Variants in USP47 observed in about 807,000 individuals in gnomAD.
USP47 encodes the protein ubiquitin carboxyl-terminal hydrolase 47.
A neutral mutation model predicts 165.1 loss-of-function variants in USP47; 35 were observed. The ratio of observed to expected loss-of-function variants is 0.21; its 90% CI spans 0.16 to 0.28. The LOEUF is 0.28. Among genes scored for constraint, USP47 ranks in the 10% least tolerant of loss-of-function variants. The pLI, the probability that USP47 is intolerant of heterozygous loss-of-function variation, is 1.00. For synonymous variants in USP47, 531 were observed against 544.5 expected, an observed-to-expected ratio of 0.98 and a Z score of 0.35; for missense variants, 1,277 against 1,607.4, an observed-to-expected ratio of 0.79 and a Z score of 3.52.
intron 1 of USP47, 61 bp downstream of exon 1, chr11:11,842,285 C>G: frequency 2.6e-6 from 4 of 1,523,742 alleles, no homozygotes; most frequent in Non-Finnish European, 3.5e-6. Flanking sequence ...AACACAGGCC[C>G]GGGCCGGGGT....
At chr11:11,887,859 A>G (rs1370215145) in intron 3 of USP47, among the ~76,000 whole-genome samples, 2 of 152,194 alleles carry the variant, frequency 1.3e-5, no homozygotes, top group East Asian at 3.8e-4. Context: ...AAAAGAACTG[A>G]AATTACAACA....
chr11:11,956,230 A>G lies in USP47; in HGVS notation c.*55A>G, dbSNP rs1856552249. 5 of 1,598,600 alleles carry G rather than the reference A, an allele frequency of 3.1e-6. No individual in the cohort carries two copies. Among genetic ancestry groups the G allele is most frequent in the Non-Finnish European group, 4.3e-6 (5 of 1,169,306 alleles). On this transcript the variant is annotated 3_prime_UTR_variant, in exon 28 of 28. Transcript: ENST00000527733. Reference sequence around the variant, plus strand: ...AGTTTTGGTTTTAATTAGATGGTTCACTACCACTGGGTAGTGCCATTTTGG... The same window carrying G: ...AGTTTTGGTTTTAATTAGATGGTTCGCTACCACTGGGTAGTGCCATTTTGG...
intron 1 of USP47, among the ~76,000 whole-genome samples, chr11:11,876,163 G>A (rs1016509370): frequency 3.9e-5 from 6 of 152,014 alleles, no homozygotes; most frequent in Non-Finnish European, 7.4e-5. Context: ...TTCAAATAGC[G>A]CATCTAAACT....
intron 1 of USP47, among the ~76,000 whole-genome samples, chr11:11,852,604 G>A (rs1355567472): frequency 5.0e-3 from 2 of 402 alleles, no homozygotes; most frequent in Non-Finnish European, 0.023. Context: ...TATAAACTAG[G>A]TGTCTTTGCT....
At position 11,956,980 on chromosome 11, in the gene USP47, C is replaced by T. The variant is rs1221742720; in HGVS notation, c.*805C>T. The T allele has an allele frequency of 6.6e-6, 1 of 152,190 alleles. No homozygotes were observed. The highest frequency in any genetic ancestry group is 1.9e-4 in the East Asian group (1 of 5,192). The allele number at this position is 152,190 out of a possible 1,614,324, so 9.4% of individuals were successfully genotyped here. On this transcript the variant is annotated 3_prime_UTR_variant, in exon 28 of 28. Coordinates refer to ENST00000527733, the MANE Select transcript of USP47 (RefSeq NM_001282659.2). ...AACTATCTGCCATGATTATTCTTTTCACGTATCATTCATTCTGTACATTTG... is the reference window on the plus strand; with the variant it reads ...AACTATCTGCCATGATTATTCTTTTTACGTATCATTCATTCTGTACATTTG...
intron 1 of USP47, among the ~76,000 whole-genome samples, chr11:11,869,181 T>A (rs1016703873): frequency 2.0e-5 from 3 of 152,196 alleles, no homozygotes; most frequent in Non-Finnish European, 2.9e-5. Context: ...GGCTAAGGAC[T>A]CTGCCTAGCC....
rs1847336756 is a variant in USP47 at position 11,958,942 on chromosome 11, A to G, written c.*2767A>G. On this transcript the variant is annotated 3_prime_UTR_variant, in exon 28 of 28. Transcript: ENST00000527733. ...CGATGAACTCATGTCCCAGTCAGAA[A>G]ATAATCCAATGAAATAAGCATTGGT... 2 of 152,200 alleles carry G rather than the reference A, an allele frequency of 1.3e-5. 1 individual carries two copies. The highest frequency in any genetic ancestry group is 4.1e-4 in the South Asian group (2 of 4,830). 9.4% of individuals were successfully genotyped at this position (152,200 alleles called of 1,614,324 possible).
chr11:11,961,058 A>G lies in USP47; in HGVS notation c.*4883A>G, dbSNP rs1159599820. 6.6e-6 allele frequency among the ~76,000 whole-genome samples: 1 copy of G among 152,200 alleles called. No homozygotes were observed. The highest frequency in any genetic ancestry group is 1.5e-5 in the Non-Finnish European group (1 of 68,036). On this transcript the variant is annotated 3_prime_UTR_variant, in exon 28 of 28. Coordinates refer to ENST00000527733, the MANE Select transcript of USP47 (RefSeq NM_001282659.2). ...CAGAAAAGCTAACACCAGCTTTATC[A>G]ATAATAATATCGGTGGTTTACTTAA...
chr11:11,936,251 T>C (rs1222487788), intron 16 of USP47, 52 bp from the exon 17 acceptor site: 3 of 881,544 alleles, frequency 3.4e-6, no homozygotes, highest in Non-Finnish European at 4.5e-6. Flanking sequence ...TGTATATATA[T>C]AAATATATAT....
At chr11:11,950,335 T>C in intron 23 of USP47, 29 bp from the exon 24 acceptor site, 5 of 1,429,496 alleles carry the variant, frequency 3.5e-6, no homozygotes, top group Non-Finnish European at 2.9e-6. Flanking sequence ...CAAATTATAG[T>C]CGTTTTAAAT....
Position 11,942,948 on chromosome 11 carries a change from C to G in USP47, c.2927C>G (p.Thr976Arg), listed in dbSNP as rs756832955. Residue 976 changes from threonine (T) to arginine (R), a missense_variant, in exon 20 of 28, where the codon ACG (threonine) becomes AGG (arginine). By Grantham distance (71) the Thr-to-Arg change is moderately conservative. This residue lies in a region of USP47 where 909 missense variants were observed against 1,068.1 expected (regional missense o/e 0.85). Transcript: ENST00000527733. ...DSHSITSSRR[T>R]KANEGKKETW... ...CACAGTATCACAAGTAGTAGAAGAA[C>G]GAAAGCAAATGAAGGGAAAAAAGAA... 2 of 1,612,874 alleles carry G rather than the reference C, an allele frequency of 1.2e-6. No individual in the cohort carries two copies. Among genetic ancestry groups the G allele is most frequent in the Admixed American group, 3.3e-5 (2 of 59,842 alleles).
At chr11:11,950,656 C>T (rs1220286671) in intron 24 of USP47, among the ~76,000 whole-genome samples, 174 bp downstream of exon 24, 2 of 152,088 alleles carry the variant, frequency 1.3e-5, no homozygotes, top group African/African-American at 4.8e-5. Context: ...TTCCTACCTA[C>T]GTCTTATCCT....
At chr11:11,882,774 T>C (rs1850913512) in intron 2 of USP47, among the ~76,000 whole-genome samples, 1 of 152,192 alleles carries the variant, frequency 6.6e-6, no homozygotes. Context: ...TCTGTGTCTT[T>C]CCATTTCCAA....
intron 1 of USP47, among the ~76,000 whole-genome samples, chr11:11,844,329 T>C (rs751351449): frequency 1.6e-4 from 24 of 152,220 alleles, no homozygotes; most frequent in Non-Finnish European, 1.3e-4. Flanking sequence ...TTTCTCTTCT[T>C]TTTTGTATTC....
At chr11:11,951,504 G>C (rs923376723) in intron 24 of USP47, 20 of 152,154 alleles carry the variant, frequency 1.3e-4, no homozygotes, top group East Asian at 7.7e-4. Context: ...GAGGCTTATA[G>C]GAGGAAAGTT....
chr11:11,879,988 G>A lies in USP47; in HGVS notation c.40-189G>A, dbSNP rs1450544582. On this transcript the variant is annotated intron_variant, in intron 1 of 27. Coordinates refer to ENST00000527733, the MANE Select transcript of USP47 (RefSeq NM_001282659.2). ...TGATTCTTCCAAAACAAACATATAC[G>A]GTGCTTATATGTTTGACATATCCAT... Among the ~76,000 whole-genome samples the A allele has an allele frequency of 2.6e-5, 4 of 151,784 alleles. 1 individual carries two copies. The South Asian group carries it at 6.2e-4, about 24-fold the overall frequency.
chr11:11,887,755 C>G (rs1038356476), intron 3 of USP47, among the ~76,000 whole-genome samples: 3 of 152,276 alleles, frequency 2.0e-5, no homozygotes, highest in Non-Finnish European at 2.9e-5. Flanking sequence ...CTCCCCACCC[C>G]ACAACAACAG....
chr11:11,842,631 T>C (rs973379922), intron 1 of USP47, among the ~76,000 whole-genome samples: 2 of 152,118 alleles, frequency 1.3e-5, no homozygotes, highest in Non-Finnish European at 2.9e-5. Context: ...AGTGGCAGCG[T>C]ATAGCTTTCA....
At chr11:11,942,136 T>C (rs1048484280) in intron 19 of USP47, among the ~76,000 whole-genome samples, 199 bp from the exon 20 acceptor site, 2 of 152,128 alleles carry the variant, frequency 1.3e-5, no homozygotes, top group Non-Finnish European at 2.9e-5. Context: ...TAGTGTAGTT[T>C]TATGGCTAGT....
Sources: allele counts gnomAD v4.1 joint callset (sites outside exome capture counted in the v4.1 genomes callset), GRCh38; gene constraint gnomAD v4.1.1; regional missense constraint gnomAD v4.1.1; transcripts MANE v1.5; gene names NCBI Gene and HGNC (gene_info 2026-07-23, HGNC 2026-07-21).